Variants in LMTK2 observed in about 807,000 individuals in gnomAD.
The protein encoded by LMTK2 is serine/threonine-protein kinase LMTK2.
Under a neutral mutation model 127.5 loss-of-function variants are expected in LMTK2, and 37 were observed. The ratio of observed to expected loss-of-function variants is 0.29; its 90% CI spans 0.22 to 0.38. LMTK2 has a LOEUF of 0.38. Ranked by LOEUF, LMTK2 falls within the 10% of genes least tolerant of loss-of-function variation. The pLI, the probability that LMTK2 is intolerant of heterozygous loss-of-function variation, is 1.00. For missense variants in LMTK2, 1,694 were observed against 1,920.3 expected, an observed-to-expected ratio of 0.88 and a Z score of 2.20; for synonymous variants, 819 against 810.1, an observed-to-expected ratio of 1.01 and a Z score of -0.19.
intron 1 of LMTK2, among the ~76,000 whole-genome samples, chr7:98,121,583 G>A (rs1295010124): frequency 6.6e-6 from 1 of 151,310 alleles, no homozygotes; most frequent in Non-Finnish European, 1.5e-5. Flanking sequence ...GCAGTGAGCC[G>A]AGATTGCGCC....
At chr7:98,130,770 A>T (rs1796509982) in intron 1 of LMTK2, among the ~76,000 whole-genome samples, 1 of 152,232 alleles carries the variant, frequency 6.6e-6, no homozygotes, top group African/African-American at 2.4e-5. Flanking sequence ...CACAGCCCTC[A>T]GAAGGAGCCC....
rs918925100 is a variant in LMTK2 at position 98,205,520 on chromosome 7, CGAGGCTGCTCCCCTGGA to C, written c.*30_*46del. On this transcript the variant is annotated 3_prime_UTR_variant, in exon 14 of 14. Transcript: ENST00000297293. ...GGCTGCCAACGCGCACGCTCGGGTC[CGAGGCTGCTCCCCTGGA>C]GCGGCGCCCCTGCGCCCTCAGCCCG... 8.7e-6 allele frequency: 14 copies of C among 1,610,800 alleles called. No individual in the cohort carries two copies. Among genetic ancestry groups the C allele is most frequent in the African/African-American group, 2.7e-5 (2 of 74,952 alleles).
In LMTK2 at chr7:98,208,108, C is replaced by G. The variant is rs1308165615; in HGVS notation, c.*2616C>G. 2.9e-5 allele frequency: 4 copies of G among 135,604 alleles called. No homozygotes were observed. The East Asian group carries it at 6.4e-4, about 22-fold the overall frequency. 8.4% of individuals were successfully genotyped at this position (135,604 alleles called of 1,614,324 possible). On this transcript the variant is annotated 3_prime_UTR_variant, in exon 14 of 14. Coordinates refer to ENST00000297293, the MANE Select transcript of LMTK2 (RefSeq NM_014916.4). Reference sequence around the variant, plus strand: ...CCTGGGTAACAGCCAGACCCTGTCTCAAAAAAAAAAACAATTTTTTTCATA... The same window carrying G: ...CCTGGGTAACAGCCAGACCCTGTCTGAAAAAAAAAAACAATTTTTTTCATA...
chr7:98,171,463 G>C lies in LMTK2; in HGVS notation c.658-78G>C. On this transcript the variant is annotated intron_variant, in intron 6 of 13. Coordinates refer to ENST00000297293, the MANE Select transcript of LMTK2 (RefSeq NM_014916.4). This position sits in a 1 kb window ranked among gnomAD's most constrained non-coding sequence, Gnocchi z 5.1. ...CTAATAAATAATCTTAACAGTTAGT[G>C]TTCACCGAGGCACGTATTTAAGCGC... 1 of 1,568,334 alleles carries C rather than the reference G, an allele frequency of 6.4e-7. No individual in the cohort carries two copies. Among genetic ancestry groups the C allele is most frequent in the East Asian group, 2.2e-5 (1 of 44,640 alleles).
At chr7:98,183,777 C>T (rs12539490) in intron 7 of LMTK2, among the ~76,000 whole-genome samples, 21,032 of 152,118 alleles carry the variant, frequency 0.14, 1,586 homozygotes, top group East Asian at 0.21. Flanking sequence ...TCGAGTGATC[C>T]GCCTGCCTTA....
chr7:98,150,734 A>G (rs2116386062), intron 3 of LMTK2, among the ~76,000 whole-genome samples: 1 of 152,370 alleles, frequency 6.6e-6, no homozygotes, highest in African/African-American at 2.4e-5. Flanking sequence ...AAAATAATTT[A>G]TGTAAGCCAT....
At chr7:98,173,702 T>TA (rs1439037102) in intron 7 of LMTK2, among the ~76,000 whole-genome samples, 2 of 152,206 alleles carry the variant, frequency 1.3e-5, no homozygotes, top group African/African-American at 4.8e-5. Context: ...TTAGAGCAAG[T>TA]AAAGATGATG....
intron 13 of LMTK2, among the ~76,000 whole-genome samples, chr7:98,204,837 C>A (rs1019047498): frequency 3.3e-5 from 5 of 152,224 alleles, no homozygotes; most frequent in Non-Finnish European, 5.9e-5. Context: ...TCTGTCTCCT[C>A]CTTTCCCAGA....
intron 7 of LMTK2, among the ~76,000 whole-genome samples, chr7:98,174,489 A>G (rs1797246911): frequency 6.6e-6 from 1 of 152,120 alleles, no homozygotes; most frequent in Non-Finnish European, 1.5e-5. Flanking sequence ...GTGCCATCCC[A>G]CTTGCCTTGC....
intron 7 of LMTK2, among the ~76,000 whole-genome samples, chr7:98,181,434 T>A (rs1018286192): frequency 4.6e-5 from 7 of 152,050 alleles, no homozygotes; most frequent in African/African-American, 1.7e-4. Context: ...GAAAAGCATA[T>A]CCTAAAATTC....
Position 98,193,253 on chromosome 7 carries a change from T to C in LMTK2, c.2788T>C (p.Phe930Leu). ...GGGACAGGAATTGCACAATAAACCATTTTCGGAAGACCATCACAGTCATCG... is the reference window on the plus strand; with the variant it reads ...GGGACAGGAATTGCACAATAAACCACTTTCGGAAGACCATCACAGTCATCG... ...ELGQELHNKP[F>L]SEDHHSHRRL... The change falls in exon 11 of 14, where the codon TTT becomes CTT. Residue 930 changes from phenylalanine (F) to leucine (L), a missense_variant. Around this residue, in one of 8 missense-constraint regions of LMTK2, gnomAD observed 527 missense variants for 539.8 expected, o/e 0.98. Transcript: ENST00000297293. The surrounding 1 kb of genome is among the most constrained non-coding windows in gnomAD (Gnocchi z 4.1). 1 of 1,613,662 alleles carries C rather than the reference T, an allele frequency of 6.2e-7. No homozygotes were observed. Among genetic ancestry groups the C allele is most frequent in the Non-Finnish European group, 8.5e-7 (1 of 1,180,020 alleles).
At chr7:98,140,126 CTT>C (rs1796658746) in intron 2 of LMTK2, among the ~76,000 whole-genome samples, 1 of 12,022 alleles carries the variant, frequency 8.3e-5, no homozygotes, top group Non-Finnish European at 3.6e-4. Context: ...TTCTTTCTTT[CTT>C]TCTTTCTTTC....
chr7:98,184,620 T>C (rs554369242), intron 7 of LMTK2, among the ~76,000 whole-genome samples: 1 of 152,148 alleles, frequency 6.6e-6, no homozygotes, highest in Non-Finnish European at 1.5e-5. Flanking sequence ...TCCTAAAATG[T>C]ATAAAATTGA....
intron 2 of LMTK2, among the ~76,000 whole-genome samples, chr7:98,140,113 T>TC (rs1796656911): frequency 4.0e-4 from 1 of 2,520 alleles, no homozygotes; most frequent in African/African-American, 1.4e-3. Context: ...TTTCTTTCTT[T>TC]CTTTCTTTCT....
intron 11 of LMTK2, among the ~76,000 whole-genome samples, chr7:98,198,238 T>C (rs1797657744): frequency 6.6e-6 from 1 of 151,818 alleles, no homozygotes; most frequent in Non-Finnish European, 1.5e-5. Context: ...GTCGCCAGGT[T>C]GGAGGGCAGT....
At chr7:98,190,021 C>A (rs199541414) in intron 9 of LMTK2, among the ~76,000 whole-genome samples, 1 of 150,304 alleles carries the variant, frequency 6.7e-6, no homozygotes, top group African/African-American at 2.4e-5. Context: ...AAAAAAAAAT[C>A]AGAATTCAGG....
chr7:98,129,475 T>C (rs1205040947), intron 1 of LMTK2, among the ~76,000 whole-genome samples: 1 of 152,090 alleles, frequency 6.6e-6, no homozygotes, highest in Non-Finnish European at 1.5e-5. Flanking sequence ...CCTCCTGTGC[T>C]CAGGTGAGCC....
Position 98,205,802 on chromosome 7 carries a change from C to G in LMTK2, c.*310C>G. 1 of 485,970 alleles carries G rather than the reference C, an allele frequency of 2.1e-6. No homozygotes were observed. The highest frequency in any genetic ancestry group is 3.8e-6 in the Non-Finnish European group (1 of 265,114). The allele number at this position is 485,970 out of a possible 1,614,324, so 30.1% of individuals were successfully genotyped here. A position where few individuals can be genotyped will look rare whatever the true frequency, so the allele number is the denominator to read the frequency against. On this transcript the variant is annotated 3_prime_UTR_variant, in exon 14 of 14. Transcript: ENST00000297293. ...CAGGGGCACAGCCTCCATGTGCGCG[C>G]GCGTGTGGAGCTGTGTGCACCGCAT...
rs1328216941 is a variant in LMTK2, at chr7:98,207,476, G to A, written c.*1984G>A. Reference sequence around the variant, plus strand: ...ATGCGGTGCCCACCTGGGCTATGTGGGGAGCACCACTGTCTCGGGATGCGC... The same window carrying A: ...ATGCGGTGCCCACCTGGGCTATGTGAGGAGCACCACTGTCTCGGGATGCGC... On this transcript the variant is annotated 3_prime_UTR_variant, in exon 14 of 14. Transcript: ENST00000297293. 6.6e-6 allele frequency: 1 copy of A among 151,756 alleles called. No homozygotes were observed. Among genetic ancestry groups the A allele is most frequent in the African/African-American group, 2.4e-5 (1 of 41,306 alleles). 9.4% of individuals were successfully genotyped at this position (151,756 alleles called of 1,614,324 possible). A position where few individuals can be genotyped will look rare whatever the true frequency, so the allele number is the denominator to read the frequency against.
Sources: gnomAD v4.1 joint callset for allele counts (sites outside exome capture counted in the v4.1 genomes callset) on GRCh38, gnomAD v4.1.1 for gene constraint, gnomAD v4.1.1 regional missense constraint, Gnocchi (gnomAD v3.1) non-coding constraint, MANE v1.5 for transcripts, NCBI Gene and HGNC (gene_info 2026-07-23, HGNC 2026-07-21) for gene names.